SNX25: variants seen among roughly 807,000 people sequenced by gnomAD.
SNX25 encodes sorting nexin 25, also known as sorting nexin-25.
A neutral mutation model predicts 113.7 loss-of-function variants in SNX25; 62 were observed. The ratio of observed to expected loss-of-function variants is 0.55; its 90% confidence interval spans 0.44 to 0.67. The LOEUF (loss-of-function observed/expected upper bound fraction) is 0.67. SNX25 is among the 30% of genes least tolerant of loss of function. The probability of loss-of-function intolerance (pLI) is 0.00; values close to 1 mark genes in which losing one functional copy is unlikely to be tolerated. For synonymous variants in SNX25, 421 were observed against 436.2 expected (o/e 0.97, Z 0.43); for missense variants, 1,014 against 1,161.0 (o/e 0.87, Z 1.84).
chr4:185,265,425 G>C (rs950951794), intron 4 of SNX25, among the ~76,000 whole-genome samples: 2 of 152,128 alleles, frequency 1.3e-5, no homozygotes, highest in African/African-American at 4.8e-5. Flanking sequence ...GTGTATCTAA[G>C]TATAGAAAAG....
chr4:185,254,940 TC>T (rs1746192644), intron 2 of SNX25, among the ~76,000 whole-genome samples: 1 of 152,102 alleles, frequency 6.6e-6, no homozygotes, highest in African/African-American at 2.4e-5. Flanking sequence ...CTTTTTTTTT[TC>T]TTTAGTTGGC....
chr4:185,238,062 C>CAA (rs10635995), intron 1 of SNX25, among the ~76,000 whole-genome samples: 30,980 of 87,180 alleles, frequency 0.36, 6,196 homozygotes, highest in East Asian at 0.55. Context: ...GACTCCATCT[C>CAA]AAAAAAAAAA....
downstream of SNX25, among the ~76,000 whole-genome samples, chr4:185,368,847 G>A (rs1184235547): frequency 6.7e-6 from 1 of 149,126 alleles, no homozygotes; most frequent in Non-Finnish European, 1.5e-5. Flanking sequence ...AGGCTGGAGT[G>A]CAGCGGCACA....
At chr4:185,349,013 ATGT>A (rs1034917096) in intron 13 of SNX25, among the ~76,000 whole-genome samples, 2 of 152,082 alleles carry the variant, frequency 1.3e-5, no homozygotes, top group Non-Finnish European at 2.9e-5. Flanking sequence ...AGGTTCATTC[ATGT>A]TGTTGCAATT....
At chr4:185,248,627 T>C (rs1745191134) in intron 2 of SNX25, among the ~76,000 whole-genome samples, 1 of 152,202 alleles carries the variant, frequency 6.6e-6, no homozygotes, top group African/African-American at 2.4e-5. Flanking sequence ...CACTCCAGCC[T>C]GGGCAACACA....
intron 6 of SNX25, among the ~76,000 whole-genome samples, chr4:185,303,046 A>G (rs1267010586): frequency 6.6e-6 from 1 of 152,224 alleles, no homozygotes; most frequent in Non-Finnish European, 1.5e-5. Context: ...TTTATAACAA[A>G]TAAAGCTCAT....
chr4:185,311,518 A>T (rs940601735), intron 7 of SNX25, among the ~76,000 whole-genome samples: 1 of 152,188 alleles, frequency 6.6e-6, no homozygotes, highest in African/African-American at 2.4e-5. Flanking sequence ...ACTAAGATAG[A>T]AGGAAGCAGC....
At chr4:185,231,944 A>T (rs184720628) in intron 1 of SNX25, among the ~76,000 whole-genome samples, 9 of 152,302 alleles carry the variant, frequency 5.9e-5, no homozygotes, top group African/African-American at 1.7e-4. Context: ...TCCATATCTT[A>T]ATATGACACA....
At chr4:185,234,404 CGGGCGCGG>C in intron 1 of SNX25, among the ~76,000 whole-genome samples, 1 of 19,044 alleles carries the variant, frequency 5.3e-5, no homozygotes, top group Non-Finnish European at 1.4e-4. Flanking sequence ...TTAGGCTGGC[CGGGCGCGG>C]TGGCTCACGC....
chr4:185,340,046 C>T (rs1273648799), intron 11 of SNX25, among the ~76,000 whole-genome samples: 3 of 152,080 alleles, frequency 2.0e-5, no homozygotes, highest in South Asian at 2.1e-4. Flanking sequence ...GGAGGAAAGA[C>T]GCTTATAGGC....
At chr4:185,209,135 C>T (rs768134912), upstream of SNX25, among the ~76,000 whole-genome samples, 7 of 152,182 alleles carry the variant, frequency 4.6e-5, no homozygotes, top group African/African-American at 7.2e-5. This position sits in a 1 kb window ranked among gnomAD's most constrained non-coding sequence, Gnocchi z 5.2. Context: ...CTCCACCGCA[C>T]GTGTCTGATT....
intron 5 of SNX25, among the ~76,000 whole-genome samples, chr4:185,275,102 C>T (rs1749478114): frequency 6.6e-6 from 1 of 152,150 alleles, no homozygotes; most frequent in Non-Finnish European, 1.5e-5. Context: ...ATTATTAGGA[C>T]AGTGATAGAC....
At chr4:185,226,642 G>A (rs1172054589) in intron 1 of SNX25, among the ~76,000 whole-genome samples, 1 of 152,130 alleles carries the variant, frequency 6.6e-6, no homozygotes, top group East Asian at 1.9e-4. Flanking sequence ...GTAGAGACAA[G>A]GTCTCACTAT....
At chr4:185,301,101 G>T (rs1753614422) in intron 6 of SNX25, among the ~76,000 whole-genome samples, 1 of 152,068 alleles carries the variant, frequency 6.6e-6, no homozygotes. Context: ...CCCAAAAGAA[G>T]AAATGCTACA....
At chr4:185,378,234 G>A in the SNX25 span, 1 of 1,602,870 alleles carries the variant, frequency 6.2e-7, no homozygotes, top group South Asian at 1.1e-5. Context: ...AAAATAAGTG[G>A]TAGAAATTTC....
intron 9 of SNX25, among the ~76,000 whole-genome samples, chr4:185,328,803 G>T (rs954552400): frequency 1.3e-5 from 2 of 152,146 alleles, no homozygotes; most frequent in African/African-American, 2.4e-5. Flanking sequence ...GGAGAATGGC[G>T]GATTGACTGG....
chr4:185,212,499 T>G (rs868519277), intron 1 of SNX25, among the ~76,000 whole-genome samples: 24 of 114,328 alleles, frequency 2.1e-4, no homozygotes, highest in South Asian at 6.4e-4. Context: ...GTGTTTTTTT[T>G]TTTTTTTGCT....
chr4:185,211,412 G>A (rs897036431), intron 1 of SNX25, among the ~76,000 whole-genome samples: 1 of 152,190 alleles, frequency 6.6e-6, no homozygotes, highest in Non-Finnish European at 1.5e-5. Flanking sequence ...TCTCCACTTA[G>A]CCATCCGTTT....
At chr4:185,296,683 A>T (rs1289881884) in intron 6 of SNX25, among the ~76,000 whole-genome samples, 1 of 152,200 alleles carries the variant, frequency 6.6e-6, no homozygotes. Context: ...TCCTATGGGC[A>T]ACAAAATTAC....
Sources: allele counts gnomAD v4.1 joint callset (sites outside exome capture counted in the v4.1 genomes callset), GRCh38; gene constraint gnomAD v4.1.1; non-coding constraint Gnocchi (gnomAD v3.1); transcripts MANE v1.5; gene names NCBI Gene and HGNC (gene_info 2026-07-23, HGNC 2026-07-21).